The following AGTPBP1 variants were observed in gnomAD, a reference collection of about 807,000 sequenced individuals.
The protein encoded by AGTPBP1 is cytosolic carboxypeptidase 1.
Under a neutral mutation model 143.9 loss-of-function variants are expected in AGTPBP1, and 70 were observed. The observed-to-expected ratio is 0.49, with a 90% CI of 0.40 to 0.59. AGTPBP1 has a LOEUF of 0.59. Among genes scored for constraint, AGTPBP1 ranks in the 20% least tolerant of loss-of-function variants. The probability of loss-of-function intolerance (pLI) is 0.00; values close to 1 mark genes in which losing one functional copy is unlikely to be tolerated. For synonymous variants in AGTPBP1, 463 were observed against 500.2 expected, an observed-to-expected ratio of 0.93 and a Z score of 0.99; for missense variants, 1,229 against 1,464.5, an observed-to-expected ratio of 0.84 and a Z score of 2.62.
intron 18 of AGTPBP1, 79 bp from the exon 19 acceptor site, chr9:85,592,783 C>T: frequency 6.5e-7 from 1 of 1,530,080 alleles, no homozygotes; most frequent in Non-Finnish European, 8.8e-7. Context: ...TTAAATAGAA[C>T]TTCAGGGAAA....
intron 15 of AGTPBP1, 146 bp from the exon 16 acceptor site, chr9:85,619,447 C>A: frequency 1.7e-6 from 1 of 584,534 alleles, no homozygotes; most frequent in Non-Finnish European, 2.9e-6. Flanking sequence ...AAAACAAGCA[C>A]AATCAATACA....
chr9:85,629,791 C>G (rs1287387596), intron 14 of AGTPBP1, among the ~76,000 whole-genome samples: 1 of 152,084 alleles, frequency 6.6e-6, no homozygotes. Flanking sequence ...GGATGTATGT[C>G]CCTTACTAAC....
intron 1 of AGTPBP1, among the ~76,000 whole-genome samples, chr9:85,739,673 A>C (rs2134842389): frequency 6.9e-6 from 1 of 145,002 alleles, no homozygotes; most frequent in Middle Eastern, 3.9e-3. Flanking sequence ...GTGCCACTGC[A>C]CTCCAGCCTG....
intron 17 of AGTPBP1, among the ~76,000 whole-genome samples, chr9:85,598,834 C>T (rs2133299209): frequency 6.6e-6 from 1 of 152,238 alleles, no homozygotes; most frequent in Non-Finnish European, 1.5e-5. Flanking sequence ...ATTCTCCTGC[C>T]TCAGCCTCCC....
intron 3 of AGTPBP1, among the ~76,000 whole-genome samples, chr9:85,684,756 C>T (rs2134191507): frequency 6.6e-6 from 1 of 152,228 alleles, no homozygotes; most frequent in African/African-American, 2.4e-5. Flanking sequence ...CTTCCTTTGG[C>T]TTCTTTAAAT....
chr9:85,692,336 C>T (rs988172104), intron 3 of AGTPBP1, among the ~76,000 whole-genome samples: 2 of 150,256 alleles, frequency 1.3e-5, no homozygotes, highest in Non-Finnish European at 3.0e-5. Flanking sequence ...TGCAGTGGCA[C>T]GATCTCAGCT....
chr9:85,579,724 AAG>A lies in AGTPBP1; in HGVS notation c.3166-630_3166-629del, dbSNP rs374093178. On this transcript the variant is annotated intron_variant, in intron 23 of 25. Transcript: ENST00000357081. ...AGGAACAGATGCATCTCTAGAAAGAAAGAGTTCAGAATTAGAACCAAATGTAT... is the reference window on the plus strand; with the variant it reads ...AGGAACAGATGCATCTCTAGAAAGAAAGTTCAGAATTAGAACCAAATGTAT... Among the ~76,000 whole-genome samples, 45 of 151,224 alleles carry A rather than the reference AAG, an allele frequency of 3.0e-4. 1 individual carries two copies. The highest frequency in any genetic ancestry group is 1.1e-3 in the African/African-American group (44 of 41,130).
chr9:85,618,170 T>C (rs955084308), intron 17 of AGTPBP1, among the ~76,000 whole-genome samples: 9 of 151,378 alleles, frequency 5.9e-5, no homozygotes, highest in African/African-American at 1.5e-4. Context: ...GAGGTGGAGG[T>C]TGCAGTGGGC....
chr9:85,611,049 A>G (rs1830280730), intron 17 of AGTPBP1, among the ~76,000 whole-genome samples: 1 of 152,160 alleles, frequency 6.6e-6, no homozygotes, highest in Non-Finnish European at 1.5e-5. Flanking sequence ...ACTTATCATC[A>G]GAATCTGGAA....
At chr9:85,755,600 T>C in the AGTPBP1 span, among the ~76,000 whole-genome samples, 1 of 152,146 alleles carries the variant, frequency 6.6e-6, no homozygotes, top group Non-Finnish European at 1.5e-5. Context: ...CATTTAACAT[T>C]TTATTGAATG....
chr9:85,558,048 A>G (rs1351226593), intron 25 of AGTPBP1, among the ~76,000 whole-genome samples: 2 of 152,240 alleles, frequency 1.3e-5, no homozygotes, highest in Non-Finnish European at 2.9e-5. Context: ...AAAACAAAAT[A>G]TAACTAATGC....
At chr9:85,675,743 C>T (rs1403196826) in intron 6 of AGTPBP1, among the ~76,000 whole-genome samples, 3 of 151,860 alleles carry the variant, frequency 2.0e-5, no homozygotes, top group African/African-American at 4.8e-5. Flanking sequence ...AAAACCATTT[C>T]GGCTGGGTGC....
intron 7 of AGTPBP1, among the ~76,000 whole-genome samples, chr9:85,671,092 T>A (rs1361278385): frequency 6.6e-6 from 1 of 151,150 alleles, no homozygotes; most frequent in Non-Finnish European, 1.5e-5. Flanking sequence ...CAGGCACACA[T>A]CACCACAACT....
chr9:85,799,703 A>T, the AGTPBP1 span, among the ~76,000 whole-genome samples: 1 of 152,108 alleles, frequency 6.6e-6, no homozygotes, highest in African/African-American at 2.4e-5. Flanking sequence ...TTTTTCGTAG[A>T]GGTGGGATCT....
chr9:85,591,004 A>G (rs913076210), intron 19 of AGTPBP1, among the ~76,000 whole-genome samples: 4 of 152,196 alleles, frequency 2.6e-5, no homozygotes, highest in African/African-American at 7.2e-5. Context: ...TGAATCAGAA[A>G]TAAGTCTAGC....
In AGTPBP1 at chr9:85,692,732, G is replaced by T; in HGVS notation, c.114C>A (p.Ala38=). 10 of 1,613,912 alleles carry T rather than the reference G, an allele frequency of 6.2e-6. No individual in the cohort carries two copies. The highest frequency in any genetic ancestry group is 8.5e-6 in the Non-Finnish European group (10 of 1,179,932). The change falls in exon 3 of 26, where the codon GCC becomes GCA. Residue 38 remains alanine, a synonymous_variant. Transcript: ENST00000357081. The part of the protein sequence containing the change: ...INAEPSESDT[A]RYVTSKILHL... ...GAAGAATTTTTGATGTAACATATCG[G>T]GCAGTGTCTGATTCTGAAGGCTCAG...
chr9:85,547,110 C>T lies in AGTPBP1; in HGVS notation c.3680G>A (p.Ter1227=), dbSNP rs1431460975. ...DSELSRTYLP[*] ...AGTTAACAAGAGATGGCAGCGGGCT[C>T]AAGGTAGGTATGTTCTTGATAATTC... is the stretch of plus-strand genomic sequence containing the variant. Residue 1227 remains the stop codon, a stop_retained_variant, in exon 26 of 26, where the codon TGA becomes TAA. Coordinates refer to ENST00000357081, the MANE Select transcript of AGTPBP1 (RefSeq NM_001330701.2). The T allele has an allele frequency of 1.9e-6, 3 of 1,598,326 alleles. No individual in the cohort carries two copies. The South Asian group carries it at 3.4e-5, about 18-fold the overall frequency.
chr9:85,738,325 G>GA (rs5898916), intron 1 of AGTPBP1, among the ~76,000 whole-genome samples: 64,053 of 149,786 alleles, frequency 0.43, 14,968 homozygotes, highest in Non-Finnish European at 0.55. Flanking sequence ...ATACTGGAGG[G>GA]AAAAAAAAAG....
intron 1 of AGTPBP1, 97 bp from the exon 2 acceptor site, chr9:85,712,663 G>T: frequency 2.0e-6 from 1 of 501,098 alleles, no homozygotes; most frequent in South Asian, 4.7e-5. Flanking sequence ...TTCATTATGG[G>T]CAACACAAGA....
Sources: allele counts gnomAD v4.1 joint callset (sites outside exome capture counted in the v4.1 genomes callset), GRCh38; gene constraint gnomAD v4.1.1; transcripts MANE v1.5; gene names NCBI Gene and HGNC (gene_info 2026-07-23, HGNC 2026-07-21).